The following SUPT3H variants were observed in gnomAD, a reference collection of about 807,000 sequenced individuals.
SUPT3H encodes SPT3 homolog, SAGA and STAGA complex component.
Under a neutral mutation model 44.3 loss-of-function variants are expected in SUPT3H, and 44 were observed. That is an observed-to-expected ratio of 0.99 (90% CI 0.78 to 1.28). SUPT3H has a LOEUF of 1.28. SUPT3H is among the 50% of genes most tolerant of loss of function. SUPT3H has a pLI of 0.00. For missense variants in SUPT3H, 380 were observed against 387.1 expected (o/e 0.98, Z 0.15); for synonymous variants, 124 against 125.6 (o/e 0.99, Z 0.09).
intron 2 of SUPT3H, among the ~76,000 whole-genome samples, chr6:45,323,819 A>G (rs983325503): frequency 3.3e-5 from 5 of 152,080 alleles, no homozygotes; most frequent in African/African-American, 1.2e-4. Context: ...TCCATAGCAC[A>G]AAGTTACAGC....
At chr6:44,939,379 T>C (rs1011455064) in intron 9 of SUPT3H, among the ~76,000 whole-genome samples, 2 of 152,120 alleles carry the variant, frequency 1.3e-5, no homozygotes, top group Non-Finnish European at 2.9e-5. Flanking sequence ...TATTGATTTG[T>C]GTATGTTGCA....
At chr6:45,039,853 A>AG (rs1788255526) in intron 3 of SUPT3H, among the ~76,000 whole-genome samples, 1 of 132,182 alleles carries the variant, frequency 7.6e-6, no homozygotes, top group Non-Finnish European at 1.8e-5. Context: ...AGCAAAAAAA[A>AG]AAAATTTTGC....
intron 10 of SUPT3H, among the ~76,000 whole-genome samples, chr6:44,880,851 T>C (rs1458528295): frequency 6.6e-6 from 1 of 152,076 alleles, no homozygotes; most frequent in African/African-American, 2.4e-5. Flanking sequence ...GAAGGAAAAA[T>C]AAAATCCTTT....
At chr6:45,043,756 ACCATTACT>A (rs1788956292) in intron 3 of SUPT3H, among the ~76,000 whole-genome samples, 1 of 152,198 alleles carries the variant, frequency 6.6e-6, no homozygotes, top group Non-Finnish European at 1.5e-5. Context: ...ATAGCTATGC[ACCATTACT>A]ATTTGATGAA....
At chr6:45,058,876 T>C (rs563956008) in intron 3 of SUPT3H, among the ~76,000 whole-genome samples, 1 of 152,158 alleles carries the variant, frequency 6.6e-6, no homozygotes, top group South Asian at 2.1e-4. Context: ...ATCTTATTCA[T>C]CCAGTAAGAT....
intron 9 of SUPT3H, among the ~76,000 whole-genome samples, chr6:44,944,398 A>G (rs1772948556): frequency 6.6e-6 from 1 of 152,256 alleles, no homozygotes; most frequent in Non-Finnish European, 1.5e-5. Context: ...AGAAATAGGA[A>G]AAGTTACCCT....
chr6:45,174,144 T>A (rs1225672861), intron 2 of SUPT3H, among the ~76,000 whole-genome samples: 2 of 152,230 alleles, frequency 1.3e-5, no homozygotes, highest in Non-Finnish European at 2.9e-5. Context: ...TGAAAAAGAC[T>A]TTTCAATGTG....
chr6:44,859,411 T>C (rs529122819), intron 10 of SUPT3H, among the ~76,000 whole-genome samples: 1 of 152,262 alleles, frequency 6.6e-6, no homozygotes, highest in African/African-American at 2.4e-5. Context: ...CTCCAATATT[T>C]AGAGTAAATA....
intron 2 of SUPT3H, among the ~76,000 whole-genome samples, chr6:45,223,159 G>A (rs1766348173): frequency 6.6e-6 from 1 of 151,936 alleles, no homozygotes; most frequent in Non-Finnish European, 1.5e-5. Context: ...GAAACCGTAT[G>A]TGAGAAAAAA....
In SUPT3H at chr6:44,924,964, C is replaced by T. The variant is rs149091396; in HGVS notation, c.912+7689G>A. Among the ~76,000 whole-genome samples the T allele has an allele frequency of 1.7e-4, 26 of 152,196 alleles. No individual in the cohort carries two copies. The East Asian group carries it at 4.4e-3, about 26-fold the overall frequency. ...CCAGGTTGAACACATAAGATGCAGA[C>T]AAACCTAATGTGCTCATGACATAAA... On this transcript the variant is annotated intron_variant, in intron 10 of 10. Transcript: ENST00000371459.
chr6:45,205,751 T>G (rs1264905782), intron 2 of SUPT3H, among the ~76,000 whole-genome samples: 1 of 151,774 alleles, frequency 6.6e-6, no homozygotes, highest in Non-Finnish European at 1.5e-5. Context: ...GAGCCAAGAT[T>G]GCGCCACTCT....
At chr6:44,879,312 A>G (rs966728658) in intron 10 of SUPT3H, among the ~76,000 whole-genome samples, 2 of 152,164 alleles carry the variant, frequency 1.3e-5, no homozygotes. Flanking sequence ...GCTGCCTGGA[A>G]CTTTGAACTG....
chr6:45,203,952 C>G (rs903124844), intron 2 of SUPT3H, among the ~76,000 whole-genome samples: 1 of 151,968 alleles, frequency 6.6e-6, no homozygotes, highest in Admixed American at 6.6e-5. Context: ...TTATTAGTTC[C>G]GTTAAGAAGG....
At chr6:45,159,656 T>C (rs1487867541) in intron 2 of SUPT3H, 4 of 152,210 alleles carry the variant, frequency 2.6e-5, no homozygotes, top group African/African-American at 9.6e-5. Flanking sequence ...CACAACTCTA[T>C]CATAAATTTC....
chr6:45,126,868 G>A (rs1295311332), intron 2 of SUPT3H, among the ~76,000 whole-genome samples: 1 of 152,048 alleles, frequency 6.6e-6, no homozygotes, highest in African/African-American at 2.4e-5. Context: ...TAAAAAGGGG[G>A]AAGAGACGAT....
chr6:45,334,403 T>C (rs935283555), intron 2 of SUPT3H, among the ~76,000 whole-genome samples: 2 of 136,172 alleles, frequency 1.5e-5, no homozygotes, highest in African/African-American at 2.8e-5. Context: ...ATATTCCTTA[T>C]AGTCATGTAT....
intron 3 of SUPT3H, among the ~76,000 whole-genome samples, chr6:45,046,513 T>C (rs557208620): frequency 1.3e-5 from 2 of 152,256 alleles, no homozygotes; most frequent in East Asian, 1.9e-4. Flanking sequence ...GTATTTTTAG[T>C]AGAGAGGAAG....
At chr6:45,063,282 A>C (rs1055794338) in intron 3 of SUPT3H, among the ~76,000 whole-genome samples, 1 of 148,226 alleles carries the variant, frequency 6.7e-6, no homozygotes, top group Non-Finnish European at 1.5e-5. Flanking sequence ...AACAAACAGA[A>C]AGGACATCCA....
intron 10 of SUPT3H, among the ~76,000 whole-genome samples, chr6:44,925,500 T>C (rs1370544171): frequency 6.6e-6 from 1 of 152,214 alleles, no homozygotes; most frequent in Non-Finnish European, 1.5e-5. Flanking sequence ...AAAATAGATT[T>C]AGGCATTACA....
Sources: allele counts gnomAD v4.1 joint callset (sites outside exome capture counted in the v4.1 genomes callset), GRCh38; gene constraint gnomAD v4.1.1; transcripts MANE v1.5; gene names NCBI Gene and HGNC (gene_info 2026-07-23, HGNC 2026-07-21).